PLSCR2: variants seen among roughly 807,000 people sequenced by gnomAD.
The protein encoded by PLSCR2 is phospholipid scramblase 2.
In PLSCR2, 18 loss-of-function variants were observed where a neutral mutation model predicts 25.3. The ratio of observed to expected loss-of-function variants is 0.71; its 90% CI spans 0.49 to 1.06. The LOEUF (loss-of-function observed/expected upper bound fraction) is 1.06. Ranked by LOEUF, PLSCR2 falls within the 50% of genes least tolerant of loss-of-function variation. The probability of loss-of-function intolerance (pLI) is 0.00; values close to 1 mark genes in which losing one functional copy is unlikely to be tolerated. For synonymous variants in PLSCR2, 88 were observed against 87.3 expected, an observed-to-expected ratio of 1.01 and a Z score of -0.04; for missense variants, 243 against 269.5, an observed-to-expected ratio of 0.90 and a Z score of 0.69.
intron 1 of PLSCR2, among the ~76,000 whole-genome samples, chr3:146,482,345 C>A (rs1001242111): frequency 1.3e-5 from 2 of 152,104 alleles, no homozygotes; most frequent in Non-Finnish European, 2.9e-5. Flanking sequence ...GGGCTGATAT[C>A]CAGAATCTAC....
intron 1 of PLSCR2, among the ~76,000 whole-genome samples, chr3:146,477,167 C>T (rs921132781): frequency 1.3e-5 from 2 of 152,166 alleles, no homozygotes; most frequent in Non-Finnish European, 1.5e-5. Context: ...TCAGCGTGAT[C>T]GATGCAGAAG....
intron 1 of PLSCR2, among the ~76,000 whole-genome samples, chr3:146,477,796 C>CTCACTTGAGCCTAACT (rs2042971740): frequency 6.6e-6 from 1 of 152,180 alleles, no homozygotes; most frequent in South Asian, 2.1e-4. Flanking sequence ...GAGTCTCTGA[C>CTCACTTGAGCCTAACT]CCTCGTGTAG....
chr3:146,478,692 T>C (rs2043020435), intron 1 of PLSCR2, among the ~76,000 whole-genome samples: 1 of 152,212 alleles, frequency 6.6e-6, no homozygotes, highest in Non-Finnish European at 1.5e-5. Context: ...CCAGGAGAAC[T>C]TCCCCAACCT....
At chr3:146,437,739 A>G (rs536605156), downstream of PLSCR2, among the ~76,000 whole-genome samples, 24 of 151,592 alleles carry the variant, frequency 1.6e-4, no homozygotes, top group African/African-American at 5.1e-4. Context: ...GGATTCATTA[A>G]TTTTTTTGAA....
chr3:146,403,146 A>ACG (rs1484902521), intron 2 of PLSCR2, among the ~76,000 whole-genome samples: 1 of 150,988 alleles, frequency 6.6e-6, no homozygotes, highest in African/African-American at 2.4e-5. Flanking sequence ...TATTGTAAAC[A>ACG]CACACACACA....
At chr3:146,454,405 C>A (rs539710744) in intron 4 of PLSCR2, among the ~76,000 whole-genome samples, 35 of 152,126 alleles carry the variant, frequency 2.3e-4, no homozygotes, top group Non-Finnish European at 4.4e-4. Flanking sequence ...TATACCTAAC[C>A]TAAATGGCAT....
chr3:146,434,035 T>G lies in PLSCR2; in HGVS notation c.*35-518A>C, dbSNP rs769406374. ...ATTCAATCTTCCCTACAAAACAAAT[T>G]ACAAATGCCTTTAAGTTTCTGACAG... On this transcript the variant is annotated intron_variant, in intron 8 of 8. Coordinates refer to the PLSCR2 transcript ENST00000336685. 5.3e-5 allele frequency among the ~76,000 whole-genome samples: 8 copies of G among 152,292 alleles called. 1 individual carries two copies. The South Asian group carries it at 1.7e-3, about 32-fold the overall frequency.
intron 2 of PLSCR2, 46 bp from the exon 3 acceptor site, chr3:146,458,499 A>G (rs2041353301): frequency 7.8e-7 from 1 of 1,274,968 alleles, no homozygotes; most frequent in Non-Finnish European, 1.1e-6. Flanking sequence ...AATATTTTAT[A>G]GAGAACTAAT....
chr3:146,409,346 G>A (rs2038767581), intron 2 of PLSCR2, among the ~76,000 whole-genome samples: 1 of 152,042 alleles, frequency 6.6e-6, no homozygotes, highest in Non-Finnish European at 1.5e-5. Context: ...CTGGGTGAGG[G>A]AGACTCTTCT....
intron 2 of PLSCR2, among the ~76,000 whole-genome samples, chr3:146,399,526 G>GAAA: frequency 6.6e-6 from 1 of 151,732 alleles, no homozygotes; most frequent in South Asian, 2.1e-4. Context: ...ATAACTGGGA[G>GAAA]AATACATAAG....
intron 1 of PLSCR2, among the ~76,000 whole-genome samples, chr3:146,477,539 T>A (rs777055897): frequency 6.6e-6 from 1 of 152,168 alleles, no homozygotes; most frequent in Non-Finnish European, 1.5e-5. Context: ...GGGAGTGGTG[T>A]CAGCCATTGC....
rs776206847 is a variant in PLSCR2, at chr3:146,460,071, T to C, written c.-167A>G. 3.2e-6 allele frequency: 5 copies of C among 1,543,434 alleles called. No individual in the cohort carries two copies. In the South Asian group the frequency reaches 5.9e-5, roughly 18 times the overall value. Reference sequence around the variant, plus strand: ...AGCCTGGTGCTTAGGGTAGACAATATGTCCGGGAGGTCCTGAAATAGGAGC... The same window carrying C: ...AGCCTGGTGCTTAGGGTAGACAATACGTCCGGGAGGTCCTGAAATAGGAGC... On this transcript the variant is annotated 5_prime_UTR_variant, in exon 2 of 7. Transcript: ENST00000610787.
chr3:146,485,642 G>A (rs2043312055), intron 1 of PLSCR2, among the ~76,000 whole-genome samples: 1 of 152,106 alleles, frequency 6.6e-6, no homozygotes, highest in African/African-American at 2.4e-5. Context: ...TCAAGATTAA[G>A]AAACTCACTC....
At chr3:146,464,122 T>C (rs559538963), upstream of PLSCR2, 20 of 201,444 alleles carry the variant, frequency 9.9e-5, no homozygotes, top group Non-Finnish European at 1.7e-4. Flanking sequence ...GTCAGAAGAG[T>C]AGAAATATTA....
chr3:146,466,121 A>T (rs2041852112), intron 1 of PLSCR2, among the ~76,000 whole-genome samples: 1 of 152,160 alleles, frequency 6.6e-6, no homozygotes, highest in Non-Finnish European at 1.5e-5. Context: ...AAAACAAAAC[A>T]CATATGCTTA....
upstream of PLSCR2, among the ~76,000 whole-genome samples, chr3:146,460,978 TAAACA>T (rs376860367): frequency 7.8e-4 from 118 of 152,190 alleles, 2 homozygotes; most frequent in East Asian, 8.9e-3. Context: ...TTGAGAAAAT[TAAACA>T]AAACAAAAGT....
intron 1 of PLSCR2, among the ~76,000 whole-genome samples, chr3:146,466,701 C>T (rs1291804928): frequency 6.6e-6 from 1 of 152,146 alleles, no homozygotes; most frequent in African/African-American, 2.4e-5. Context: ...CTTTCTTCTT[C>T]ATAAATGAGA....
intron 1 of PLSCR2, among the ~76,000 whole-genome samples, chr3:146,477,668 CA>C (rs2042968172): frequency 6.6e-6 from 1 of 152,224 alleles, no homozygotes; most frequent in Non-Finnish European, 1.5e-5. Context: ...CATAGCTGAA[CA>C]AAAGACAGCA....
chr3:146,469,206 G>C lies in PLSCR2; in HGVS notation c.-292-8922C>G, dbSNP rs1028538229. 4.1e-6 allele frequency: 4 copies of C among 985,310 alleles called. No homozygotes were observed. In the African/African-American group the frequency reaches 7.0e-5, roughly 17 times the overall value. 61.0% of individuals were successfully genotyped at this position (985,310 alleles called of 1,614,324 possible). ...CAGACTCTGCCCAGGATTCAGGGCC[G>C]CTCTCTACCTGTAAAGCAGTGTAGC... On this transcript the variant is annotated intron_variant, in intron 1 of 8. Transcript: ENST00000336685.
Sources: gnomAD v4.1 joint callset for allele counts (sites outside exome capture counted in the v4.1 genomes callset) on GRCh38, gnomAD v4.1.1 for gene constraint, MANE v1.5 for transcripts, NCBI Gene and HGNC (gene_info 2026-07-23, HGNC 2026-07-21) for gene names.